The following RBL2 variants were observed in gnomAD, a reference collection of about 807,000 sequenced individuals.
RBL2 encodes the protein RB transcriptional corepressor like 2.
Under a neutral mutation model 126.0 loss-of-function variants are expected in RBL2, and 56 were observed. The observed-to-expected ratio is 0.44, with a 90% CI of 0.36 to 0.56. RBL2 has a LOEUF of 0.56. Ranked by LOEUF, RBL2 falls within the 20% of genes least tolerant of loss-of-function variation. RBL2 has a pLI of 0.00. For missense variants in RBL2, 1,229 were observed against 1,398.2 expected (o/e 0.88, Z 1.93); for synonymous variants, 454 against 478.5 (o/e 0.95, Z 0.67).
intron 10 of RBL2, 43 bp from the exon 11 acceptor site, chr16:53,462,509 G>A: frequency 1.6e-6 from 2 of 1,244,154 alleles, no homozygotes; most frequent in South Asian, 2.8e-5. Context: ...TATTTTCTTT[G>A]TGTGCCATTT....
rs137934535 is a variant in RBL2, at chr16:53,437,374, CTA to C, written c.241-1640_241-1639del. Among the ~76,000 whole-genome samples the C allele has an allele frequency of 6.5e-3, 980 of 151,094 alleles. 8 individuals are homozygous for C. The highest frequency in any genetic ancestry group is 0.022 in the African/African-American group (908 of 41,096). ...CATATAAGTGGGTTTGTAAGACAGT[CTA>C]TGTGTAAATGTGAAAAAAGGAAGAA... On this transcript the variant is annotated intron_variant, in intron 1 of 21. Transcript: ENST00000262133.
rs1357100954 is a variant in RBL2 at position 53,461,965 on chromosome 16, G to T, written c.1456+115G>T. 6 of 864,248 alleles carry T rather than the reference G, an allele frequency of 6.9e-6. No homozygotes were observed. The East Asian group carries it at 1.8e-4, about 26-fold the overall frequency. 53.5% of individuals were successfully genotyped at this position (864,248 alleles called of 1,614,324 possible). ...TTTATGACTTTAGACTGAAGGCTAG[G>T]ATATGGCTGTCCAATTTTTCTGGTC... On this transcript the variant is annotated intron_variant, in intron 10 of 21. Coordinates refer to ENST00000262133, the MANE Select transcript of RBL2 (RefSeq NM_005611.4).
intron 21 of RBL2, among the ~76,000 whole-genome samples, chr16:53,486,946 TACC>T (rs777873153): frequency 8.5e-5 from 13 of 152,112 alleles, no homozygotes; most frequent in Non-Finnish European, 1.9e-4. Context: ...AAAAATTGAA[TACC>T]ATAACATTTT....
chr16:53,480,057 GAAGT>G, intron 19 of RBL2, 66 bp downstream of exon 19: 1 of 1,032,584 alleles, frequency 9.7e-7, no homozygotes, highest in Non-Finnish European at 1.4e-6. Context: ...AGGCCTTGAA[GAAGT>G]AACTAAGCAT....
intron 1 of RBL2, among the ~76,000 whole-genome samples, chr16:53,438,357 C>T (rs565340671): frequency 6.6e-6 from 1 of 152,106 alleles, no homozygotes; most frequent in Non-Finnish European, 1.5e-5. Flanking sequence ...AGGCACATGT[C>T]CTAAGAGAGA....
In RBL2 at chr16:53,434,568, A is replaced by G. The variant is rs1844506094; in HGVS notation, c.12A>G (p.Gly4=). 7 of 1,526,822 alleles carry G rather than the reference A, an allele frequency of 4.6e-6. No individual in the cohort carries two copies. In the South Asian group the frequency reaches 7.4e-5, roughly 16 times the overall value. The allele number at this position is 1,526,822 out of a possible 1,614,324, so 94.6% of individuals were successfully genotyped here. Residue 4 remains glycine, a synonymous_variant, in exon 1 of 22, where the codon GGA becomes GGG. Transcript: ENST00000262133. ...CCCAGGGGTGCGCTATGCCGTCGGG[A>G]GGTGACCAGTCGCCACCGCCCCCGC... MPS[G]GDQSPPPPPP...
chr16:53,488,051 G>A (rs1332809257), intron 21 of RBL2: 1 of 152,170 alleles, frequency 6.6e-6, no homozygotes. Context: ...TCATTCCTAG[G>A]TATTTACACA....
At chr16:53,472,532 C>G (rs1960562095) in intron 17 of RBL2, among the ~76,000 whole-genome samples, 1 of 152,164 alleles carries the variant, frequency 6.6e-6, no homozygotes, top group Admixed American at 6.5e-5. Context: ...CATGTGCTTA[C>G]TGGCCATTTG....
At chr16:53,447,205 A>C (rs772131270) in intron 4 of RBL2, 99 bp downstream of exon 4, 40 of 594,774 alleles carry the variant, frequency 6.7e-5, no homozygotes, top group Non-Finnish European at 1.0e-4. Context: ...AAAGATTTTC[A>C]CTGAAAATTT....
intron 1 of RBL2, among the ~76,000 whole-genome samples, chr16:53,438,592 C>G (rs1242910576): frequency 6.6e-6 from 1 of 151,934 alleles, no homozygotes; most frequent in Non-Finnish European, 1.5e-5. Context: ...ACCTGTAATC[C>G]CAGCACTTTG....
intron 21 of RBL2, among the ~76,000 whole-genome samples, chr16:53,482,894 G>A (rs1281090787): frequency 6.6e-6 from 1 of 151,702 alleles, no homozygotes; most frequent in African/African-American, 2.4e-5. Flanking sequence ...AGTATGGTAA[G>A]AGGACGGGGA....
At chr16:53,459,845 A>G (rs1443031886) in intron 9 of RBL2, among the ~76,000 whole-genome samples, 1 of 151,758 alleles carries the variant, frequency 6.6e-6, no homozygotes, top group Non-Finnish European at 1.5e-5. Context: ...TAATAACACC[A>G]GACAGTGTAG....
intron 1 of RBL2, chr16:53,435,626 A>T: frequency 7.8e-7 from 1 of 1,279,072 alleles, no homozygotes; most frequent in South Asian, 1.3e-5. Context: ...ATTGTTTATC[A>T]GCTGTTTGAC....
intron 14 of RBL2, 111 bp downstream of exon 14, chr16:53,467,280 T>C (rs2058281333): frequency 1.2e-6 from 1 of 848,518 alleles, no homozygotes; most frequent in South Asian, 1.7e-5. Flanking sequence ...AAATATTCTA[T>C]GCATTTTTGT....
chr16:53,449,548 T>A (rs921758072), intron 4 of RBL2: 1 of 148,612 alleles, frequency 6.7e-6, no homozygotes, highest in African/African-American at 2.5e-5. Context: ...TGAGCTGAGA[T>A]TGCACCTCCA....
intron 21 of RBL2, chr16:53,487,513 C>CCCATACCCTG (rs747872881): frequency 2.3e-4 from 35 of 152,172 alleles, no homozygotes; most frequent in Non-Finnish European, 4.7e-4. Flanking sequence ...TAAACTTGTT[C>CCCATACCCTG]CCATACCCTG....
intron 8 of RBL2, among the ~76,000 whole-genome samples, chr16:53,455,858 T>G (rs565864877): frequency 6.6e-6 from 1 of 151,320 alleles, no homozygotes; most frequent in South Asian, 2.1e-4. Flanking sequence ...AGGAATAGAG[T>G]GAGGGAAAAA....
Position 53,480,844 on chromosome 16 carries a change from A to G in RBL2, c.3084+75A>G. The G allele has an allele frequency of 4.9e-6, 7 of 1,419,154 alleles. No individual in the cohort carries two copies. In the Admixed American group the frequency reaches 1.3e-4, roughly 26 times the overall value. The allele number at this position is 1,419,154 out of a possible 1,614,324, so 87.9% of individuals were successfully genotyped here. A position where few individuals can be genotyped will look rare whatever the true frequency, so the allele number is the denominator to read the frequency against. ...GGAATCATTTATGATTTATATATGG[A>G]CCATTCACCTGGTCCGTATATAAAC... is the stretch of plus-strand genomic sequence containing the variant. On this transcript the variant is annotated intron_variant, in intron 20 of 21. Coordinates refer to ENST00000262133, the MANE Select transcript of RBL2 (RefSeq NM_005611.4).
Position 53,447,065 on chromosome 16 carries a change from A to G in RBL2, c.596A>G (p.Glu199Gly), listed in dbSNP as rs555878756. 2.7e-5 allele frequency: 43 copies of G among 1,595,006 alleles called. No individual in the cohort carries two copies. In the East Asian group the frequency reaches 8.8e-4, roughly 33 times the overall value. ...AGGCGACAGCCCTGTACTGTGTCTGAAATTTTCCATTTTTGTTGGGTGCTT... is the reference window on the plus strand; with the variant it reads ...AGGCGACAGCCCTGTACTGTGTCTGGAATTTTCCATTTTTGTTGGGTGCTT... The part of the protein sequence containing the change: ...KQRRQPCTVS[E>G]IFHFCWVLFI... The change falls in exon 4 of 22, where the codon GAA becomes GGA. Residue 199 changes from glutamate (E) to glycine (G), a missense_variant. By Grantham distance (98) the Glu-to-Gly change is moderately conservative. Around this residue, in one of 2 missense-constraint regions of RBL2, gnomAD observed 1,070 missense variants for 1,274.3 expected, o/e 0.84. Transcript: ENST00000262133.
Sources: allele counts gnomAD v4.1 joint callset (sites outside exome capture counted in the v4.1 genomes callset), GRCh38; gene constraint gnomAD v4.1.1; regional missense constraint gnomAD v4.1.1; transcripts MANE v1.5; gene names NCBI Gene and HGNC (gene_info 2026-07-23, HGNC 2026-07-21).